Variants in EIF4E1B observed in about 807,000 individuals in gnomAD.
EIF4E1B encodes eukaryotic translation initiation factor 4E type 1B.
In EIF4E1B, 22 loss-of-function variants were observed where a neutral mutation model predicts 31.3. The observed-to-expected ratio is 0.70, with a 90% CI of 0.50 to 1.00. The LOEUF is 1.00. Among genes scored for constraint, EIF4E1B ranks in the 50% least tolerant of loss-of-function variants. The probability of loss-of-function intolerance (pLI) is 0.00; values close to 1 mark genes in which losing one functional copy is unlikely to be tolerated. For missense variants in EIF4E1B, 290 were observed against 311.6 expected (o/e 0.93, Z 0.52); for synonymous variants, 126 against 120.2 (o/e 1.05, Z -0.31).
chr5:176,642,862 C>CGCT (rs5873545), intron 3 of EIF4E1B, 60 bp downstream of exon 3: 3 of 1,287,072 alleles, frequency 2.3e-6, no homozygotes, highest in African/African-American at 1.9e-5. Context: ...CCCCCCCCCC[C>CGCT]CCCGCCCCAG....
intron 1 of EIF4E1B, among the ~76,000 whole-genome samples, chr5:176,636,398 A>C (rs1287240518): frequency 6.6e-6 from 1 of 152,140 alleles, no homozygotes; most frequent in East Asian, 1.9e-4. Flanking sequence ...TCCCCTTCCT[A>C]GGAATGTACT....
intron 1 of EIF4E1B, among the ~76,000 whole-genome samples, chr5:176,631,978 T>C (rs1760402665): frequency 6.6e-6 from 1 of 152,164 alleles, no homozygotes; most frequent in Admixed American, 6.5e-5. Flanking sequence ...TGCCACACTA[T>C]GGTTGGCAAA....
chr5:176,644,940 G>A (rs1348455885), intron 6 of EIF4E1B, among the ~76,000 whole-genome samples, 190 bp from the exon 7 acceptor site: 1 of 152,186 alleles, frequency 6.6e-6, no homozygotes, highest in Non-Finnish European at 1.5e-5. Context: ...GCTATACAAG[G>A]TGACCAGTGC....
chr5:176,643,633 T>A lies in EIF4E1B; in HGVS notation c.201-6T>A, dbSNP rs1166938678. ...CCTCCTGGCTGCCTCCCCCTTCCCC[T>A]ACCAGGTGGGCTCTGTGGTTCTTCA... is the stretch of plus-strand genomic sequence containing the variant. On this transcript the variant is annotated splice_polypyrimidine_tract_variant and splice_region_variant and intron_variant, in intron 4 of 8. Coordinates refer to ENST00000318682, the MANE Select transcript of EIF4E1B (RefSeq NM_001099408.2). The A allele has an allele frequency of 6.2e-7, 1 of 1,601,534 alleles. No homozygotes were observed. Among genetic ancestry groups the A allele is most frequent in the Non-Finnish European group, 8.5e-7 (1 of 1,174,060 alleles).
chr5:176,630,919 G>A lies in EIF4E1B; in HGVS notation c.-347G>A, dbSNP rs1760362574. The A allele has an allele frequency of 6.6e-6, 1 of 152,520 alleles. No individual in the cohort carries two copies. Among genetic ancestry groups the A allele is most frequent in the Non-Finnish European group, 1.5e-5 (1 of 68,074 alleles). The allele number at this position is 152,520 out of a possible 1,614,324, so 9.4% of individuals were successfully genotyped here. On this transcript the variant is annotated 5_prime_UTR_variant, in exon 1 of 9. Transcript: ENST00000318682. ...CAGTGGTGCAGGTTTAAGGCTGGAGGCAGCGGAAAAGGAAAACAAGGTTCC... is the reference window on the plus strand; with the variant it reads ...CAGTGGTGCAGGTTTAAGGCTGGAGACAGCGGAAAAGGAAAACAAGGTTCC...
intron 1 of EIF4E1B, among the ~76,000 whole-genome samples, chr5:176,633,677 T>C (rs1760447558): frequency 6.6e-6 from 1 of 152,080 alleles, no homozygotes; most frequent in African/African-American, 2.4e-5. Flanking sequence ...TTCTGTGGCT[T>C]GGGATTAAGA....
chr5:176,632,559 C>T (rs949647580), intron 1 of EIF4E1B, among the ~76,000 whole-genome samples: 1 of 152,174 alleles, frequency 6.6e-6, no homozygotes, highest in Non-Finnish European at 1.5e-5. Flanking sequence ...CCTGGCCACA[C>T]CTCTGTAATA....
rs751393132 is a variant in EIF4E1B, at chr5:176,643,218, C to CGGG, written c.156_158dup (p.Gly53dup). The CGGG allele has an allele frequency of 6.2e-7, 1 of 1,613,094 alleles. No homozygotes were observed. The highest frequency in any genetic ancestry group is 8.5e-7 in the Non-Finnish European group (1 of 1,179,844). On this transcript the variant is annotated inframe_insertion, in exon 4 of 9. Transcript: ENST00000318682. ...CTGTCTCTGAGAGGGAAGGCCCGGA[C>CGGG]GGGGGGCCCCATGGAAGTCAAGCTG...
Position 176,638,884 on chromosome 5 carries a change from C to T in EIF4E1B, c.-201-3159C>T, listed in dbSNP as rs929061945. The stretch of plus-strand genomic sequence containing the variant: ...CTACCTCCCCAATTCAAGTGATTCT[C>T]CTGCCTCAGCCTCCCAAGTAGCTGG... On this transcript the variant is annotated intron_variant, in intron 1 of 8. Coordinates refer to ENST00000318682, the MANE Select transcript of EIF4E1B (RefSeq NM_001099408.2). This position sits in a 1 kb window ranked among gnomAD's most constrained non-coding sequence, Gnocchi z 4.3. Among the ~76,000 whole-genome samples the T allele has an allele frequency of 1.6e-4, 25 of 152,218 alleles. No homozygotes were observed. The highest frequency in any genetic ancestry group is 5.1e-4 in the African/African-American group (21 of 41,454).
Position 176,642,791 on chromosome 5 carries a change from C to A in EIF4E1B, c.4C>A (p.Leu2Ile). The A allele has an allele frequency of 6.4e-7, 1 of 1,554,118 alleles. No individual in the cohort carries two copies. Residue 2 changes from leucine to isoleucine, a missense_variant, in exon 3 of 9, where the codon CTT (leucine) becomes ATT (isoleucine). Physicochemically the swap from Leu to Ile is conservative, Grantham distance 5 (BLOSUM62 2). Coordinates refer to ENST00000318682, the MANE Select transcript of EIF4E1B (RefSeq NM_001099408.2). ...GCACGAAGAAGGCACTCACTAAATG[C>A]TTGCTGTTGAGGTAATCAGCCTGGC... M[L>I]AVEVSEAEGG...
Position 176,646,283 on chromosome 5 carries a change from C to T in EIF4E1B, c.*303C>T, listed in dbSNP as rs1760709247. The stretch of plus-strand genomic sequence containing the variant: ...GGGCTCTATGGTAGGCGGAGAAACC[C>T]ATAGTCCAGCGTTTACTGTTTCCAC... On this transcript the variant is annotated 3_prime_UTR_variant, in exon 9 of 9. Coordinates refer to ENST00000318682, the MANE Select transcript of EIF4E1B (RefSeq NM_001099408.2). 3.1e-6 allele frequency: 1 copy of T among 325,976 alleles called. No individual in the cohort carries two copies. 20.2% of individuals were successfully genotyped at this position (325,976 alleles called of 1,614,324 possible). A position where few individuals can be genotyped will look rare whatever the true frequency, so the allele number is the denominator to read the frequency against.
intron 1 of EIF4E1B, among the ~76,000 whole-genome samples, chr5:176,636,748 C>G (rs1273289822): frequency 6.6e-6 from 1 of 152,260 alleles, no homozygotes; most frequent in Non-Finnish European, 1.5e-5. Context: ...TCACGACGTC[C>G]TCACGGCAAT....
chr5:176,645,780 G>C lies in EIF4E1B; in HGVS notation c.615-86G>C. On this transcript the variant is annotated intron_variant, in intron 8 of 8. Coordinates refer to ENST00000318682, the MANE Select transcript of EIF4E1B (RefSeq NM_001099408.2). The surrounding 1 kb of genome is among the most constrained non-coding windows in gnomAD (Gnocchi z 5.4). ...CAGGTGTGGCTGTGGCCAGAATGAGGGTAGGAGTCTGGTGGCCTAAGTTAT... is the reference window on the plus strand; with the variant it reads ...CAGGTGTGGCTGTGGCCAGAATGAGCGTAGGAGTCTGGTGGCCTAAGTTAT... 1 of 1,261,190 alleles carries C rather than the reference G, an allele frequency of 7.9e-7. No homozygotes were observed. Among genetic ancestry groups the C allele is most frequent in the Non-Finnish European group, 1.1e-6 (1 of 918,086 alleles). The allele number at this position is 1,261,190 out of a possible 1,614,324, so 78.1% of individuals were successfully genotyped here.
At position 176,645,748 on chromosome 5, in the gene EIF4E1B, GAC is replaced by G. The variant is rs1760688964; in HGVS notation, c.615-114_615-113del. The G allele has an allele frequency of 1.8e-6, 2 of 1,123,994 alleles. No homozygotes were observed. Among genetic ancestry groups the G allele is most frequent in the Non-Finnish European group, 2.5e-6 (2 of 803,300 alleles). The allele number at this position is 1,123,994 out of a possible 1,614,324, so 69.6% of individuals were successfully genotyped here. ...ATATTTTGGGTTTCCACATGGGTAA[GAC>G]ACAACAGGTGTGGCTGTGGCCAGAA... On this transcript the variant is annotated intron_variant, in intron 8 of 8. Coordinates refer to ENST00000318682, the MANE Select transcript of EIF4E1B (RefSeq NM_001099408.2). This position sits in a 1 kb window ranked among gnomAD's most constrained non-coding sequence, Gnocchi z 5.4.
At position 176,638,095 on chromosome 5, in the gene EIF4E1B, C is replaced by A. The variant is rs1253166580; in HGVS notation, c.-201-3948C>A. ...GGAGAAGACGGTTGGAAGAACAAGT[C>A]TGGAGCGGGGCAGAGGAGGTGTCAG... is the stretch of plus-strand genomic sequence containing the variant. On this transcript the variant is annotated intron_variant, in intron 1 of 8. Transcript: ENST00000318682. The surrounding 1 kb of genome is among the most constrained non-coding windows in gnomAD (Gnocchi z 4.3). 2.0e-5 allele frequency among the ~76,000 whole-genome samples: 3 copies of A among 152,144 alleles called. No individual in the cohort carries two copies. Among genetic ancestry groups the A allele is most frequent in the African/African-American group, 7.2e-5 (3 of 41,422 alleles).
chr5:176,632,562 CTG>C (rs2113435766), intron 1 of EIF4E1B, among the ~76,000 whole-genome samples: 2 of 152,284 alleles, frequency 1.3e-5, no homozygotes, highest in South Asian at 4.1e-4. Context: ...GGCCACACCT[CTG>C]TAATAATTTC....
chr5:176,645,583 G>A lies in EIF4E1B; in HGVS notation c.614+67G>A. 2 of 1,467,256 alleles carry A rather than the reference G, an allele frequency of 1.4e-6. No individual in the cohort carries two copies. Among genetic ancestry groups the A allele is most frequent in the Non-Finnish European group, 1.8e-6 (2 of 1,109,654 alleles). The allele number at this position is 1,467,256 out of a possible 1,614,324, so 90.9% of individuals were successfully genotyped here. On this transcript the variant is annotated intron_variant, in intron 8 of 8. Transcript: ENST00000318682. This position sits in a 1 kb window ranked among gnomAD's most constrained non-coding sequence, Gnocchi z 5.4. ...GCTAGAGGGAAGGTGGGTGGAGGGGGCTTGGCCTGCATGGGAGACCTCTGA... is the reference window on the plus strand; with the variant it reads ...GCTAGAGGGAAGGTGGGTGGAGGGGACTTGGCCTGCATGGGAGACCTCTGA...
rs1339028222 is a variant in EIF4E1B at position 176,643,116 on chromosome 5, A to AG, written c.52dup (p.Glu18GlyfsTer59). ...GCTGAGGGTGGAATCCGAGAGTGGG[A>AG]GGAGGAGGAGAAGGAGGAGGAGGCA... On this transcript the variant is annotated frameshift_variant, in exon 4 of 9. Transcript: ENST00000318682. LOFTEE classifies it high-confidence loss of function. 1 of 1,612,736 alleles carries AG rather than the reference A, an allele frequency of 6.2e-7. No individual in the cohort carries two copies. The highest frequency in any genetic ancestry group is 8.5e-7 in the Non-Finnish European group (1 of 1,179,248).
rs528195805 is a variant in EIF4E1B, at chr5:176,646,250, G to T, written c.*270G>T. On this transcript the variant is annotated 3_prime_UTR_variant, in exon 9 of 9. Transcript: ENST00000318682. ...CCTGAGGGTGGGGTGAGTCATGGCGGGGAAGGAGGGCTCTATGGTAGGCGG... is the reference window on the plus strand; with the variant it reads ...CCTGAGGGTGGGGTGAGTCATGGCGTGGAAGGAGGGCTCTATGGTAGGCGG... The T allele has an allele frequency of 2.5e-6, 1 of 402,856 alleles. No homozygotes were observed. The highest frequency in any genetic ancestry group is 2.0e-5 in the African/African-American group (1 of 50,584). The allele number at this position is 402,856 out of a possible 1,614,324, so 25.0% of individuals were successfully genotyped here.
Sources: gnomAD v4.1 joint callset for allele counts (sites outside exome capture counted in the v4.1 genomes callset) on GRCh38, gnomAD v4.1.1 for gene constraint, Gnocchi (gnomAD v3.1) non-coding constraint, MANE v1.5 for transcripts, NCBI Gene and HGNC (gene_info 2026-07-23, HGNC 2026-07-21) for gene names.